Variants in ZNF626 observed in about 807,000 individuals in gnomAD.
The protein encoded by ZNF626 is CTC-513N18.7.
ZNF626 carries 4 observed loss-of-function variants against 11.7 expected under a neutral mutation model. That is an observed-to-expected ratio of 0.34 (90% CI 0.17 to 0.78). ZNF626 has a LOEUF of 0.78. Ranked by LOEUF, ZNF626 falls within the 30% of genes least tolerant of loss-of-function variation. ZNF626 has a pLI of 0.57. For synonymous variants in ZNF626, 179 were observed against 198.6 expected (o/e 0.90, Z 0.83); for missense variants, 588 against 587.1 (o/e 1.00, Z -0.01).
intron 3 of ZNF626, among the ~76,000 whole-genome samples, chr19:20,627,740 T>C (rs1383327735): frequency 6.6e-6 from 1 of 152,124 alleles, no homozygotes; most frequent in Non-Finnish European, 1.5e-5. Flanking sequence ...AGACTGAAAG[T>C]GGCAAGACAG....
rs782422412 is a variant in ZNF626 at position 20,625,504 on chromosome 19, C to A, written c.373G>T (p.Val125Leu). ...KGCISVDECK[V>L]HKEGYNELNQ... ...AGTTCATTATAACCTTCTTTGTGCA[C>A]CTTACACTCATCCACACTTATACAT... The change falls in exon 4 of 4, where the codon GTG becomes TTG. Residue 125 changes from valine (V) to leucine (L), a missense_variant. Around this residue, in one of 4 missense-constraint regions of ZNF626, gnomAD observed 524 missense variants for 470.1 expected, o/e 1.11. Coordinates refer to ENST00000601440, the MANE Select transcript of ZNF626 (RefSeq NM_001076675.3). 6 of 1,613,994 alleles carry A rather than the reference C, an allele frequency of 3.7e-6. No individual in the cohort carries two copies. In the South Asian group the frequency reaches 5.5e-5, roughly 15 times the overall value.
chr19:20,623,981 G>T lies in ZNF626; in HGVS notation c.*309C>A. The T allele has an allele frequency of 3.8e-6, 2 of 519,902 alleles. No individual in the cohort carries two copies. Among genetic ancestry groups the T allele is most frequent in the Middle Eastern group, 3.1e-4 (1 of 3,230 alleles). 32.2% of individuals were successfully genotyped at this position (519,902 alleles called of 1,614,324 possible). A position where few individuals can be genotyped will look rare whatever the true frequency, so the allele number is the denominator to read the frequency against. ...ATCAATTCTTAGTTAGAAATTGAGG[G>T]CTGGTTAAAAGATTTTCCCCATTCA... On this transcript the variant is annotated 3_prime_UTR_variant, in exon 4 of 4. Transcript: ENST00000601440.
chr19:20,643,898 G>A (rs534121080), intron 3 of ZNF626, among the ~76,000 whole-genome samples: 1 of 152,206 alleles, frequency 6.6e-6, no homozygotes, highest in East Asian at 1.9e-4. Context: ...AGTTCGAGAC[G>A]TGTTCTATTC....
At chr19:20,641,085 G>A (rs1555771380) in intron 3 of ZNF626, among the ~76,000 whole-genome samples, 3 of 148,580 alleles carry the variant, frequency 2.0e-5, no homozygotes, top group Non-Finnish European at 4.4e-5. Flanking sequence ...GCAGTTAGAC[G>A]AGACCACACC....
intron 3 of ZNF626, among the ~76,000 whole-genome samples, chr19:20,629,790 C>T (rs1296051983): frequency 6.6e-6 from 1 of 152,114 alleles, no homozygotes. Flanking sequence ...TGCCTGATTG[C>T]CCTGGCCAGA....
At chr19:20,625,878 A>ATCC (rs1969825428) in intron 3 of ZNF626, among the ~76,000 whole-genome samples, 1 of 152,186 alleles carries the variant, frequency 6.6e-6, no homozygotes. Flanking sequence ...GGTGAGCACA[A>ATCC]TGCAAACGGC....
Position 20,625,198 on chromosome 19 carries a change from T to A in ZNF626, c.679A>T (p.Lys227Ter), listed in dbSNP as rs782411757. 4 of 1,613,352 alleles carry A rather than the reference T, an allele frequency of 2.5e-6. No individual in the cohort carries two copies. Among genetic ancestry groups the A allele is most frequent in the Non-Finnish European group, 3.4e-6 (4 of 1,179,950 alleles). ...CCACATTCTTCACATTTGTAGGGTT[T>A]CTCTCCAGTATGAATTTTCTTATGT... ...TRHKKIHTGEKPYKCEECGKA... is the reference protein window; with the variant it reads ...TRHKKIHTGE The change falls in exon 4 of 4, where the codon AAA (lysine) becomes TAA (stop). Residue 227 changes from lysine to a stop codon, truncating the protein, a stop_gained. Transcript: ENST00000601440. LOFTEE classifies it low-confidence loss of function (END_TRUNC).
intron 3 of ZNF626, among the ~76,000 whole-genome samples, chr19:20,638,118 G>A (rs1969985526): frequency 6.6e-6 from 1 of 151,922 alleles, no homozygotes; most frequent in African/African-American, 2.4e-5. Flanking sequence ...GACAGAGTGA[G>A]GCCCTATTTC....
intron 3 of ZNF626, among the ~76,000 whole-genome samples, chr19:20,639,735 A>C (rs1171654053): frequency 6.6e-6 from 1 of 152,214 alleles, no homozygotes; most frequent in Non-Finnish European, 1.5e-5. Flanking sequence ...ATCTTGCCTC[A>C]AAACAACAAA....
Position 20,625,324 on chromosome 19 carries a change from A to C in ZNF626, c.553T>G (p.Phe185Val). 1 of 1,613,664 alleles carries C rather than the reference A, an allele frequency of 6.2e-7. No homozygotes were observed. Among genetic ancestry groups the C allele is most frequent in the South Asian group, 1.1e-5 (1 of 91,060 alleles). ...TTCTTATGTGTAGTAAGAGTTGAGA[A>C]CTGCTTAAAAGCTTTGCCACATTCT... ...YIECGKAFKQ[F>V]STLTTHKKIH... The change falls in exon 4 of 4, where the codon TTC (phenylalanine) becomes GTC (valine). Residue 185 changes from phenylalanine (F) to valine (V), a missense_variant. Physicochemically the swap from Phe to Val is conservative, Grantham distance 50 (BLOSUM62 -1). Coordinates refer to ENST00000601440, the MANE Select transcript of ZNF626 (RefSeq NM_001076675.3).
rs1433848622 is a variant in ZNF626, at chr19:20,661,542, A to T, written c.-96T>A. 3 of 1,453,180 alleles carry T rather than the reference A, an allele frequency of 2.1e-6. No homozygotes were observed. Among genetic ancestry groups the T allele is most frequent in the Non-Finnish European group, 1.9e-6 (2 of 1,053,000 alleles). 90.0% of individuals were successfully genotyped at this position (1,453,180 alleles called of 1,614,324 possible). On this transcript the variant is annotated 5_prime_UTR_variant, in exon 1 of 4. Coordinates refer to ENST00000601440, the MANE Select transcript of ZNF626 (RefSeq NM_001076675.3). Reference sequence around the variant, plus strand: ...AGCCTGGGCCTTTAGGAGAAGAACCAGACCTGGAGCTCTGACTGCAGCGAG... The same window carrying T: ...AGCCTGGGCCTTTAGGAGAAGAACCTGACCTGGAGCTCTGACTGCAGCGAG...
intron 3 of ZNF626, among the ~76,000 whole-genome samples, chr19:20,639,294 G>T (rs8100328): frequency 2.6e-5 from 4 of 151,970 alleles, no homozygotes; most frequent in African/African-American, 9.7e-5. Flanking sequence ...GCAGCATGAG[G>T]TTTGGAGAAC....
At chr19:20,652,178 G>A (rs1970152869) in intron 1 of ZNF626, among the ~76,000 whole-genome samples, 1 of 152,046 alleles carries the variant, frequency 6.6e-6, no homozygotes, top group Non-Finnish European at 1.5e-5. Flanking sequence ...GTTATCTGCA[G>A]ATTCTAGGTA....
chr19:20,657,522 G>A (rs1480573351), intron 1 of ZNF626, among the ~76,000 whole-genome samples: 3 of 151,646 alleles, frequency 2.0e-5, no homozygotes, highest in Non-Finnish European at 2.9e-5. Flanking sequence ...AAACTAATGC[G>A]GAGTCCAGGC....
chr19:20,632,897 T>G (rs1366018378), intron 3 of ZNF626, among the ~76,000 whole-genome samples: 1 of 152,186 alleles, frequency 6.6e-6, no homozygotes, highest in Admixed American at 6.5e-5. Flanking sequence ...TGCTCTGTTT[T>G]TTTCCCATCT....
At position 20,623,980 on chromosome 19, in the gene ZNF626, G is replaced by T. The variant is rs1447281884; in HGVS notation, c.*310C>A. 2 of 518,108 alleles carry T rather than the reference G, an allele frequency of 3.9e-6. No individual in the cohort carries two copies. Among genetic ancestry groups the T allele is most frequent in the Non-Finnish European group, 7.1e-6 (2 of 282,892 alleles). 32.1% of individuals were successfully genotyped at this position (518,108 alleles called of 1,614,324 possible). A position where few individuals can be genotyped will look rare whatever the true frequency, so the allele number is the denominator to read the frequency against. ...TATCAATTCTTAGTTAGAAATTGAG[G>T]GCTGGTTAAAAGATTTTCCCCATTC... On this transcript the variant is annotated 3_prime_UTR_variant, in exon 4 of 4. Coordinates refer to ENST00000601440, the MANE Select transcript of ZNF626 (RefSeq NM_001076675.3).
intron 1 of ZNF626, among the ~76,000 whole-genome samples, chr19:20,648,666 T>A (rs962724962): frequency 3.3e-5 from 5 of 152,196 alleles, no homozygotes; most frequent in Non-Finnish European, 5.9e-5. Flanking sequence ...CCACGGCACC[T>A]GGCCTAAATC....
chr19:20,632,617 G>A (rs1390975790), intron 3 of ZNF626, among the ~76,000 whole-genome samples: 9 of 152,178 alleles, frequency 5.9e-5, no homozygotes, highest in Non-Finnish European at 1.2e-4. Flanking sequence ...CATAGCTCTC[G>A]TGCCTTGGTT....
At chr19:20,639,626 A>G (rs2144778295) in intron 3 of ZNF626, among the ~76,000 whole-genome samples, 1 of 152,314 alleles carries the variant, frequency 6.6e-6, no homozygotes, top group African/African-American at 2.4e-5. Flanking sequence ...AGTCCTAGCT[A>G]CTCAGAAAAC....
Sources: gnomAD v4.1 joint callset for allele counts (sites outside exome capture counted in the v4.1 genomes callset) on GRCh38, gnomAD v4.1.1 for gene constraint, gnomAD v4.1.1 regional missense constraint, MANE v1.5 for transcripts, NCBI Gene and HGNC (gene_info 2026-07-23, HGNC 2026-07-21) for gene names.